Variants in DTNB observed in about 807,000 individuals in gnomAD.
DTNB encodes the protein dystrobrevin beta.
Under a neutral mutation model 90.7 loss-of-function variants are expected in DTNB, and 63 were observed. The ratio of observed to expected loss-of-function variants is 0.69; its 90% confidence interval spans 0.57 to 0.86. DTNB has a LOEUF of 0.86. Among genes scored for constraint, DTNB ranks in the 40% least tolerant of loss-of-function variants. The pLI is 0.00. For synonymous variants in DTNB, 277 were observed against 286.7 expected, an observed-to-expected ratio of 0.97 and a Z score of 0.34; for missense variants, 744 against 807.1, an observed-to-expected ratio of 0.92 and a Z score of 0.95.
At position 25,503,053 on chromosome 2, in the gene DTNB, CAAAAAAAAAAAAAA is replaced by C. The variant is rs58871909; in HGVS notation, c.1002-20194_1002-20181del. 2.7e-3 allele frequency among the ~76,000 whole-genome samples: 42 copies of C among 15,344 alleles called. 2 individuals carry two copies. Among genetic ancestry groups the C allele is most frequent in the South Asian group, 6.9e-3 (2 of 288 alleles). The allele number at this position is 15,344 out of a possible 152,430, so 10.1% of individuals were successfully genotyped here. On this transcript the variant is annotated intron_variant, in intron 9 of 20. Coordinates refer to ENST00000406818, the MANE Select transcript of DTNB (RefSeq NM_021907.5). ...AGAGTGACAGAGCAAGACCCTATCTCAAAAAAAAAAAAAAAAAAAAAAAAAAAAAAAAAAAAAAG... is the reference window on the plus strand; with the variant it reads ...AGAGTGACAGAGCAAGACCCTATCTCAAAAAAAAAAAAAAAAAAAAAAAAG...
intron 6 of DTNB, among the ~76,000 whole-genome samples, chr2:25,588,346 C>G (rs2062845327): frequency 6.6e-6 from 1 of 152,036 alleles, no homozygotes; most frequent in African/African-American, 2.4e-5. Flanking sequence ...AATGCCAAAT[C>G]ACAGTATACT....
chr2:25,472,955 T>C (rs1187554442), intron 10 of DTNB, among the ~76,000 whole-genome samples: 1 of 152,202 alleles, frequency 6.6e-6, no homozygotes, highest in Non-Finnish European at 1.5e-5. Flanking sequence ...CAGACACATG[T>C]GGCTAGTTGG....
chr2:25,451,170 C>G (rs932219888), intron 12 of DTNB, among the ~76,000 whole-genome samples: 1 of 152,154 alleles, frequency 6.6e-6, no homozygotes, highest in Non-Finnish European at 1.5e-5. Flanking sequence ...TATGCACAAT[C>G]ATGTCATCTT....
chr2:25,434,398 T>C (rs1439182026), intron 12 of DTNB, among the ~76,000 whole-genome samples: 1 of 134,496 alleles, frequency 7.4e-6, no homozygotes, highest in Non-Finnish European at 1.6e-5. Flanking sequence ...CATGAACTAG[T>C]CTTTTTTTTT....
intron 6 of DTNB, among the ~76,000 whole-genome samples, chr2:25,591,355 T>C (rs1422857520): frequency 2.0e-5 from 3 of 152,198 alleles, no homozygotes; most frequent in East Asian, 1.9e-4. Context: ...ACCAGCTCTA[T>C]GGAGCATGCA....
At chr2:25,483,076 G>C (rs944198912) in intron 9 of DTNB, among the ~76,000 whole-genome samples, 1 of 151,962 alleles carries the variant, frequency 6.6e-6, no homozygotes, top group Non-Finnish European at 1.5e-5. Context: ...CCTTGGGGAG[G>C]GGGGTAGAAA....
chr2:25,649,979 C>G, intron 2 of DTNB: 1 of 979,596 alleles, frequency 1.0e-6, no homozygotes, highest in Non-Finnish European at 1.2e-6. Flanking sequence ...CCATGCAATT[C>G]TTCCTGTGAA....
chr2:25,562,509 T>C (rs1449654106), intron 8 of DTNB, among the ~76,000 whole-genome samples: 1 of 152,208 alleles, frequency 6.6e-6, no homozygotes, highest in Non-Finnish European at 1.5e-5. Context: ...TGTTAAACTG[T>C]TTTCCAATGT....
intron 5 of DTNB, among the ~76,000 whole-genome samples, chr2:25,597,822 C>A (rs780362810): frequency 1.4e-4 from 21 of 152,106 alleles, no homozygotes; most frequent in Non-Finnish European, 2.5e-4. Context: ...GACAAATGGT[C>A]CTTATCCCCC....
intron 9 of DTNB, among the ~76,000 whole-genome samples, chr2:25,490,977 G>C (rs553366141): frequency 1.1e-4 from 17 of 151,984 alleles, no homozygotes; most frequent in African/African-American, 4.1e-4. Context: ...TTATGGGAAA[G>C]TATACTTTCC....
intron 8 of DTNB, among the ~76,000 whole-genome samples, chr2:25,547,477 C>T (rs1043587093): frequency 2.0e-5 from 3 of 152,096 alleles, no homozygotes; most frequent in African/African-American, 7.2e-5. Context: ...GCACCCACCA[C>T]CATGTCCAGC....
At chr2:25,590,253 G>A (rs941672914) in intron 6 of DTNB, among the ~76,000 whole-genome samples, 1 of 152,192 alleles carries the variant, frequency 6.6e-6, no homozygotes, top group Admixed American at 6.5e-5. Flanking sequence ...CAAGCAAGGG[G>A]CATATTTCAG....
In DTNB at chr2:25,531,495, G is replaced by T; in HGVS notation, c.979C>A (p.Pro327Thr). 1.9e-6 allele frequency: 3 copies of T among 1,613,934 alleles called. No homozygotes were observed. The highest frequency in any genetic ancestry group is 2.5e-6 in the Non-Finnish European group (3 of 1,179,872). ...HPVFPEQPEKPLDLAHIVPPR... is the reference protein window; with the variant it reads ...HPVFPEQPEKTLDLAHIVPPR... ...TACACTATATGTGCAAGGTCAAGTG[G>T]TTTCTCTGGTTGCTCAGGAAAAACA... The change falls in exon 9 of 21, where the codon CCA becomes ACA. Residue 327 changes from proline (P) to threonine (T), a missense_variant. Pro to Thr is a conservative substitution (Grantham distance 38, BLOSUM62 -1). Transcript: ENST00000406818.
At chr2:25,495,218 A>G (rs1161074522) in intron 9 of DTNB, among the ~76,000 whole-genome samples, 1 of 152,064 alleles carries the variant, frequency 6.6e-6, no homozygotes, top group Non-Finnish European at 1.5e-5. Context: ...GGCACATGCC[A>G]CCACACCAGC....
At chr2:25,383,691 T>C in intron 19 of DTNB, 145 bp downstream of exon 19, 1 of 1,528,634 alleles carries the variant, frequency 6.5e-7, no homozygotes, top group Middle Eastern at 2.2e-4. Flanking sequence ...GACTGTCAGA[T>C]GGGAAAAGTA....
intron 16 of DTNB, among the ~76,000 whole-genome samples, chr2:25,402,190 G>A (rs896974367): frequency 6.6e-6 from 1 of 152,218 alleles, no homozygotes; most frequent in East Asian, 1.9e-4. Context: ...AGGGAGAGGT[G>A]ATGGGGCTAT....
intron 16 of DTNB, among the ~76,000 whole-genome samples, chr2:25,398,893 T>C (rs1345320019): frequency 2.6e-5 from 4 of 152,204 alleles, no homozygotes; most frequent in Admixed American, 2.6e-4. Context: ...TGAATCCCTG[T>C]GCTCAGCACA....
At chr2:25,612,242 G>A (rs1211145965) in intron 4 of DTNB, among the ~76,000 whole-genome samples, 1 of 151,956 alleles carries the variant, frequency 6.6e-6, no homozygotes, top group Admixed American at 6.6e-5. Flanking sequence ...GGCAGACTAA[G>A]GGGAAAAAAG....
At chr2:25,641,721 C>T (rs895011365) in intron 2 of DTNB, among the ~76,000 whole-genome samples, 3 of 152,302 alleles carry the variant, frequency 2.0e-5, no homozygotes, top group Admixed American at 2.0e-4. Flanking sequence ...AAGAAAAATG[C>T]AACCTCAGAT....
Sources: gnomAD v4.1 joint callset for allele counts (sites outside exome capture counted in the v4.1 genomes callset) on GRCh38, gnomAD v4.1.1 for gene constraint, MANE v1.5 for transcripts, NCBI Gene and HGNC (gene_info 2026-07-23, HGNC 2026-07-21) for gene names.